Variants in PLCB1 observed in about 807,000 individuals in gnomAD.
PLCB1 encodes phospholipase C beta 1.
PLCB1 carries 46 observed loss-of-function variants against 161.8 expected under a neutral mutation model. The observed-to-expected ratio is 0.28, with a 90% CI of 0.22 to 0.36. The LOEUF (loss-of-function observed/expected upper bound fraction) is 0.36, where lower values mean the gene tolerates loss of function less well. Among genes scored for constraint, PLCB1 ranks in the 10% least tolerant of loss-of-function variants. The pLI, the probability that PLCB1 is intolerant of heterozygous loss-of-function variation, is 1.00. For synonymous variants in PLCB1, 517 were observed against 503.7 expected (o/e 1.03, Z -0.35); for missense variants, 1,016 against 1,472.5 (o/e 0.69, Z 5.07).
At chr20:8,732,297 AG>A (rs1264478901) in intron 18 of PLCB1, 1 of 152,186 alleles carries the variant, frequency 6.6e-6, no homozygotes, top group East Asian at 1.9e-4. Flanking sequence ...AACATGGCTT[AG>A]TAGTATAAGC....
At chr20:8,550,885 C>T (rs59915585) in intron 3 of PLCB1, among the ~76,000 whole-genome samples, 8,983 of 152,182 alleles carry the variant, frequency 0.059, 367 homozygotes, top group African/African-American at 0.12. Flanking sequence ...CTCTATTCCT[C>T]TCCCCAAGTG....
intron 10 of PLCB1, among the ~76,000 whole-genome samples, chr20:8,689,589 C>T (rs1003244296): frequency 6.6e-6 from 1 of 152,086 alleles, no homozygotes; most frequent in Non-Finnish European, 1.5e-5. Flanking sequence ...CATACTAACT[C>T]ATTTTCTTTA....
At chr20:8,763,546 C>T (rs551897474) in intron 25 of PLCB1, among the ~76,000 whole-genome samples, 1 of 152,252 alleles carries the variant, frequency 6.6e-6, no homozygotes, top group East Asian at 1.9e-4. Context: ...CCACCATGCC[C>T]AGCTAATTTT....
At chr20:8,188,212 C>T (rs1239471698) in intron 2 of PLCB1, among the ~76,000 whole-genome samples, 12 of 152,058 alleles carry the variant, frequency 7.9e-5, no homozygotes, top group African/African-American at 2.7e-4. Context: ...TGGCAAAATA[C>T]AAGAAAGCAA....
chr20:8,753,106 C>G (rs35177382), intron 23 of PLCB1, among the ~76,000 whole-genome samples: 1 of 151,998 alleles, frequency 6.6e-6, no homozygotes, highest in East Asian at 1.9e-4. Context: ...TTATGAAAAT[C>G]TAATGCATGA....
intron 2 of PLCB1, among the ~76,000 whole-genome samples, chr20:8,366,040 G>T (rs1986700661): frequency 6.6e-6 from 1 of 152,090 alleles, no homozygotes; most frequent in Non-Finnish European, 1.5e-5. Flanking sequence ...CTGCTAAATA[G>T]TAAACAACCA....
intron 2 of PLCB1, among the ~76,000 whole-genome samples, chr20:8,302,034 T>A (rs915573087): frequency 1.3e-5 from 2 of 152,120 alleles, no homozygotes; most frequent in Non-Finnish European, 2.9e-5. Context: ...CTGGGAAGAG[T>A]AAAAGTGTCA....
At chr20:8,250,106 C>A (rs1981062974) in intron 2 of PLCB1, among the ~76,000 whole-genome samples, 1 of 151,934 alleles carries the variant, frequency 6.6e-6, no homozygotes, top group East Asian at 1.9e-4. Context: ...CCTGACACAG[C>A]TGCAAAATCA....
At chr20:8,570,046 A>G (rs1249739109) in intron 3 of PLCB1, among the ~76,000 whole-genome samples, 2 of 152,162 alleles carry the variant, frequency 1.3e-5, no homozygotes, top group East Asian at 3.9e-4. Flanking sequence ...ACTCTTCCTT[A>G]ATGTTTGCTT....
chr20:8,881,425 A>G (rs536682082), intron 31 of PLCB1, among the ~76,000 whole-genome samples, 197 bp from the exon 32 acceptor site: 1 of 151,966 alleles, frequency 6.6e-6, no homozygotes, highest in African/African-American at 2.4e-5. Flanking sequence ...ACATAACTTG[A>G]AGTTGACTTT....
At chr20:8,438,956 T>G (rs1980428304) in intron 3 of PLCB1, among the ~76,000 whole-genome samples, 1 of 152,200 alleles carries the variant, frequency 6.6e-6, no homozygotes, top group Non-Finnish European at 1.5e-5. Flanking sequence ...TCTTTGGTTG[T>G]TGACTTTGTC....
At chr20:8,267,959 T>TTTATTATTATTATTATTATTA (rs149671843) in intron 2 of PLCB1, among the ~76,000 whole-genome samples, 391 of 148,708 alleles carry the variant, frequency 2.6e-3, no homozygotes, top group African/African-American at 8.0e-3. Context: ...TCCATCTGTC[T>TTTATTATTATTATTATTATTA]TTATTATTAT....
chr20:8,518,876 A>G (rs1389140977), intron 3 of PLCB1, among the ~76,000 whole-genome samples: 3 of 151,882 alleles, frequency 2.0e-5, no homozygotes, highest in Non-Finnish European at 2.9e-5. Flanking sequence ...AGACAGTGAA[A>G]GATCATCAGG....
chr20:8,374,190 C>T (rs1986996227), intron 3 of PLCB1, among the ~76,000 whole-genome samples: 1 of 152,030 alleles, frequency 6.6e-6, no homozygotes, highest in African/African-American at 2.4e-5. Context: ...GGGGCAGTTC[C>T]CATGCTGTTC....
intron 3 of PLCB1, among the ~76,000 whole-genome samples, chr20:8,572,382 A>G (rs1986549980): frequency 6.6e-6 from 1 of 152,140 alleles, no homozygotes; most frequent in Non-Finnish European, 1.5e-5. Flanking sequence ...ATTCAGTGTA[A>G]TGGTTGGCTA....
chr20:8,174,854 G>A (rs903722103), intron 2 of PLCB1, among the ~76,000 whole-genome samples: 7 of 152,058 alleles, frequency 4.6e-5, no homozygotes, highest in Admixed American at 1.3e-4. Flanking sequence ...TTTGAGACCA[G>A]CCTGGCCAAG....
chr20:8,202,264 A>T (rs2052100682), intron 2 of PLCB1, among the ~76,000 whole-genome samples: 1 of 292 alleles, frequency 3.4e-3, no homozygotes, highest in African/African-American at 0.014. Context: ...TTTAGTAGTG[A>T]TGGGGTTTCC....
At chr20:8,775,849 C>G (rs8124984) in intron 27 of PLCB1, among the ~76,000 whole-genome samples, 1 of 152,090 alleles carries the variant, frequency 6.6e-6, no homozygotes, top group African/African-American at 2.4e-5. Flanking sequence ...AGAACTGCTG[C>G]CCAATACCTA....
intron 4 of PLCB1, among the ~76,000 whole-genome samples, chr20:8,643,946 C>A (rs1233381814): frequency 7.6e-6 from 1 of 131,238 alleles, no homozygotes; most frequent in East Asian, 2.1e-4. Context: ...AGGCGCGCGC[C>A]GCCACGCCTG....
Sources: gnomAD v4.1 joint callset for allele counts (sites outside exome capture counted in the v4.1 genomes callset) on GRCh38, gnomAD v4.1.1 for gene constraint, MANE v1.5 for transcripts, NCBI Gene and HGNC (gene_info 2026-07-23, HGNC 2026-07-21) for gene names.